The following RALYL variants were observed in gnomAD, a reference collection of about 807,000 sequenced individuals.
The protein encoded by RALYL is RALY RNA binding protein like.
In RALYL, 29 loss-of-function variants were observed where a neutral mutation model predicts 35.1. The observed-to-expected ratio is 0.83, with a 90% CI of 0.61 to 1.13. The LOEUF is 1.13. Ranked by LOEUF, RALYL falls within the 50% of genes most tolerant of loss-of-function variation. The pLI is 0.00. For missense variants in RALYL, 359 were observed against 360.4 expected (o/e 1.00, Z 0.03); for synonymous variants, 120 against 127.6 (o/e 0.94, Z 0.40).
At chr8:84,487,652 C>T (rs927617001) in intron 1 of RALYL, among the ~76,000 whole-genome samples, 6 of 152,054 alleles carry the variant, frequency 3.9e-5, no homozygotes, top group African/African-American at 1.2e-4. Flanking sequence ...GTCTATGCAG[C>T]TTTCGAGCTG....
intron 1 of RALYL, among the ~76,000 whole-genome samples, chr8:84,527,889 A>G (rs556824800): frequency 1.2e-4 from 19 of 152,292 alleles, no homozygotes; most frequent in African/African-American, 4.6e-4. Context: ...GGAGATATTT[A>G]TAATGTTGGC....
intron 2 of RALYL, among the ~76,000 whole-genome samples, chr8:84,537,972 C>T (rs1432287382): frequency 2.0e-5 from 3 of 152,172 alleles, no homozygotes; most frequent in Non-Finnish European, 4.4e-5. Flanking sequence ...TCATCTTTCA[C>T]TGTCATCAAT....
chr8:84,619,489 C>T (rs1170069206), intron 2 of RALYL, among the ~76,000 whole-genome samples: 1 of 146,702 alleles, frequency 6.8e-6, no homozygotes, highest in Non-Finnish European at 1.5e-5. Context: ...ATGTGTGTCT[C>T]TGCACGTGAG....
chr8:84,691,288 C>T (rs555102022), intron 2 of RALYL, among the ~76,000 whole-genome samples: 7 of 152,094 alleles, frequency 4.6e-5, no homozygotes, highest in South Asian at 2.1e-4. Context: ...ATATAAAATA[C>T]GGCATTCTGG....
intron 1 of RALYL, among the ~76,000 whole-genome samples, chr8:84,511,419 T>G (rs976597393): frequency 6.6e-6 from 1 of 152,194 alleles, no homozygotes; most frequent in Non-Finnish European, 1.5e-5. Flanking sequence ...TCTCTTATTT[T>G]TTATTTATAC....
chr8:84,198,813 C>A (rs1294802550), intron 1 of RALYL, among the ~76,000 whole-genome samples: 1 of 152,118 alleles, frequency 6.6e-6, no homozygotes, highest in Non-Finnish European at 1.5e-5. Flanking sequence ...CATGTTGTTG[C>A]AAATGACAGG....
At chr8:84,690,494 G>A (rs1262299648) in intron 2 of RALYL, among the ~76,000 whole-genome samples, 1 of 152,040 alleles carries the variant, frequency 6.6e-6, no homozygotes, top group East Asian at 1.9e-4. Flanking sequence ...TGGGAGAGTA[G>A]ACCTTAAATG....
chr8:84,601,793 G>T (rs1389007515), intron 2 of RALYL, among the ~76,000 whole-genome samples: 1 of 152,008 alleles, frequency 6.6e-6, no homozygotes, highest in Non-Finnish European at 1.5e-5. Context: ...AAGCTTAATG[G>T]AAACTTAAGT....
chr8:84,387,803 C>CTTTT (rs112006834), intron 1 of RALYL, among the ~76,000 whole-genome samples: 3,106 of 135,376 alleles, frequency 0.023, 91 homozygotes, highest in African/African-American at 0.078. Flanking sequence ...TTCTTTCTTT[C>CTTTT]TTTTTTTTTT....
intron 1 of RALYL, among the ~76,000 whole-genome samples, chr8:84,363,630 G>A (rs1402630131): frequency 6.6e-6 from 1 of 152,122 alleles, no homozygotes; most frequent in Non-Finnish European, 1.5e-5. Context: ...GGGAGCATTG[G>A]CCTTTGATCT....
rs1587068886 is a variant in RALYL, at chr8:84,423,425, T to C, written c.-23-105874T>C. Among the ~76,000 whole-genome samples, 3 of 151,718 alleles carry C rather than the reference T, an allele frequency of 2.0e-5. No individual in the cohort carries two copies. The East Asian group carries it at 5.8e-4, about 29-fold the overall frequency. ...TGGTAGATCTTCCTCCATCCTTTTA[T>C]TTTGAGCCTATGTGTGTCTCTGCAC... On this transcript the variant is annotated intron_variant, in intron 1 of 8. Coordinates refer to ENST00000521268, the MANE Select transcript of RALYL (RefSeq NM_173848.7).
At chr8:84,209,233 C>T (rs1300830315) in intron 1 of RALYL, among the ~76,000 whole-genome samples, 2 of 151,084 alleles carry the variant, frequency 1.3e-5, no homozygotes, top group Non-Finnish European at 2.9e-5. Context: ...TGATGTCCAA[C>T]AGATGCATGT....
At chr8:84,416,228 G>A (rs2044681943) in intron 1 of RALYL, among the ~76,000 whole-genome samples, 1 of 152,186 alleles carries the variant, frequency 6.6e-6, no homozygotes, top group African/African-American at 2.4e-5. Context: ...GAATACAAAA[G>A]TAGACAAAAG....
chr8:84,183,337 C>A lies in RALYL; in HGVS notation c.-1111C>A. ...TGCTGCCGCCACTGGTGTTGCCGCT[C>A]TCAGGCGCCAGGCTCCCCGTCGCCG... On this transcript the variant is annotated 5_prime_UTR_variant, in exon 1 of 9. Transcript: ENST00000521268. 1 of 154,536 alleles carries A rather than the reference C, an allele frequency of 6.5e-6. No homozygotes were observed. The highest frequency in any genetic ancestry group is 1.8e-4 in the South Asian group (1 of 5,698). The allele number at this position is 154,536 out of a possible 1,614,324, so 9.6% of individuals were successfully genotyped here.
At chr8:84,222,829 G>C (rs1482264314) in intron 1 of RALYL, among the ~76,000 whole-genome samples, 21 of 152,030 alleles carry the variant, frequency 1.4e-4, no homozygotes, top group Non-Finnish European at 2.9e-5. Flanking sequence ...TCGAGTCTTT[G>C]GTTATGAGAT....
intron 4 of RALYL, among the ~76,000 whole-genome samples, chr8:84,811,494 G>C (rs995781459): frequency 6.6e-6 from 1 of 152,096 alleles, no homozygotes; most frequent in Non-Finnish European, 1.5e-5. Context: ...AGTGTGCCTA[G>C]GTGATGATAT....
chr8:84,547,285 G>A (rs1278711793), intron 2 of RALYL, among the ~76,000 whole-genome samples: 6 of 151,796 alleles, frequency 4.0e-5, no homozygotes, highest in African/African-American at 1.2e-4. Flanking sequence ...GTTATTTCTG[G>A]CACTTGATAT....
At chr8:84,441,440 G>A (rs538176289) in intron 1 of RALYL, among the ~76,000 whole-genome samples, 1 of 152,172 alleles carries the variant, frequency 6.6e-6, no homozygotes, top group African/African-American at 2.4e-5. Flanking sequence ...TGGTGAATAA[G>A]GATTAGAAAA....
chr8:84,838,884 G>C (rs1391408515), intron 4 of RALYL, among the ~76,000 whole-genome samples: 1 of 152,234 alleles, frequency 6.6e-6, no homozygotes, highest in Non-Finnish European at 1.5e-5. Context: ...TATAATTGAT[G>C]AGTGTGTCGT....
Sources: gnomAD v4.1 joint callset for allele counts (sites outside exome capture counted in the v4.1 genomes callset) on GRCh38, gnomAD v4.1.1 for gene constraint, MANE v1.5 for transcripts, NCBI Gene and HGNC (gene_info 2026-07-23, HGNC 2026-07-21) for gene names.